Variants in TWIST2 observed in about 807,000 individuals in gnomAD.
The protein encoded by TWIST2 is twist family bHLH transcription factor 2.
In TWIST2, 1 loss-of-function variant was observed where a neutral mutation model predicts 11.6. The ratio of observed to expected loss-of-function variants is 0.09; its 90% CI spans 0.03 to 0.41. The LOEUF (loss-of-function observed/expected upper bound fraction) is 0.41. Among genes scored for constraint, TWIST2 ranks in the 10% least tolerant of loss-of-function variants. The pLI is 0.98. For missense variants in TWIST2, 168 were observed against 226.4 expected (o/e 0.74, Z 1.66); for synonymous variants, 87 against 96.6 (o/e 0.90, Z 0.58).
At chr2:238,868,212 T>A (rs949695674) in intron 1 of TWIST2, among the ~76,000 whole-genome samples, 1 of 152,136 alleles carries the variant, frequency 6.6e-6, no homozygotes, top group Non-Finnish European at 1.5e-5. Flanking sequence ...CCAGGGGCTC[T>A]GCTGAGAAGC....
intron 1 of TWIST2, among the ~76,000 whole-genome samples, chr2:238,897,880 G>A (rs921904349): frequency 1.3e-5 from 2 of 152,184 alleles, no homozygotes; most frequent in Non-Finnish European, 2.9e-5. Context: ...AAGGAAACTC[G>A]TTCAGCAGAG....
chr2:238,871,350 C>G (rs1420370416), intron 1 of TWIST2, among the ~76,000 whole-genome samples: 1 of 67,342 alleles, frequency 1.5e-5, no homozygotes, highest in Admixed American at 1.6e-4. Flanking sequence ...CACCACACCC[C>G]ACACACACAG....
At chr2:238,861,322 C>T (rs1303962086) in intron 1 of TWIST2, among the ~76,000 whole-genome samples, 1 of 152,202 alleles carries the variant, frequency 6.6e-6, no homozygotes, top group African/African-American at 2.4e-5. Context: ...CTGGGGGATG[C>T]TCTGCTCTCC....
At chr2:238,870,924 C>A (rs1574755221) in intron 1 of TWIST2, among the ~76,000 whole-genome samples, 1 of 43,942 alleles carries the variant, frequency 2.3e-5, no homozygotes, top group Non-Finnish European at 4.6e-5. Flanking sequence ...ACACACACAC[C>A]ACACCCCACA....
chr2:238,859,251 C>T (rs559776375), intron 1 of TWIST2, among the ~76,000 whole-genome samples: 6 of 151,162 alleles, frequency 4.0e-5, no homozygotes, highest in East Asian at 3.9e-4. Flanking sequence ...GCTACAGCAT[C>T]GATGAACCTT....
At chr2:238,884,623 G>C (rs568123105) in intron 1 of TWIST2, among the ~76,000 whole-genome samples, 2 of 152,224 alleles carry the variant, frequency 1.3e-5, no homozygotes, top group Admixed American at 1.3e-4. Context: ...CTGCCAGGGG[G>C]CTGGGGCAGG....
intron 1 of TWIST2, among the ~76,000 whole-genome samples, chr2:238,882,081 T>TGTCTCTCTTATG (rs1692946700): frequency 6.6e-6 from 1 of 152,164 alleles, no homozygotes. Flanking sequence ...TGTGTCTCTG[T>TGTCTCTCTTATG]GTCTCTCTTA....
At chr2:238,885,221 C>A (rs182995695) in intron 1 of TWIST2, among the ~76,000 whole-genome samples, 2 of 151,978 alleles carry the variant, frequency 1.3e-5, no homozygotes, top group African/African-American at 4.8e-5. Flanking sequence ...CGCCCTGCCT[C>A]GTTTGCAGGC....
intron 1 of TWIST2, among the ~76,000 whole-genome samples, chr2:238,906,738 C>T (rs1306942037): frequency 1.3e-5 from 2 of 152,158 alleles, no homozygotes; most frequent in Non-Finnish European, 2.9e-5. Flanking sequence ...CTGGGGCCTC[C>T]CTGGACCTCC....
At chr2:238,901,518 C>T (rs1693268519) in intron 1 of TWIST2, among the ~76,000 whole-genome samples, 2 of 152,322 alleles carry the variant, frequency 1.3e-5, no homozygotes, top group South Asian at 4.1e-4. Flanking sequence ...GAGGCCTCTG[C>T]TAGGCGTTCA....
intron 1 of TWIST2, among the ~76,000 whole-genome samples, chr2:238,881,445 T>TAGTATTAGTGTTAGTGTG (rs1385426319): frequency 4.6e-5 from 7 of 151,786 alleles, no homozygotes; most frequent in African/African-American, 1.5e-4. Flanking sequence ...CGGTATTTAT[T>TAGTATTAGTGTTAGTGTG]AGTATTAGTG....
At chr2:238,909,154 GGTGTGTA>G (rs1559286249) in intron 1 of TWIST2, among the ~76,000 whole-genome samples, 14 of 28,290 alleles carry the variant, frequency 4.9e-4, no homozygotes, top group Middle Eastern at 9.1e-3. Context: ...ATGTGTATGT[GGTGTGTA>G]GTGTGGGGTG....
At chr2:238,856,914 C>G (rs1692341067) in intron 1 of TWIST2, among the ~76,000 whole-genome samples, 3 of 152,192 alleles carry the variant, frequency 2.0e-5, no homozygotes, top group Admixed American at 2.0e-4. Context: ...CAGGTGCCTT[C>G]CCTTCCTGTT....
intron 1 of TWIST2, among the ~76,000 whole-genome samples, chr2:238,904,480 C>A (rs1378479630): frequency 6.7e-6 from 1 of 149,246 alleles, no homozygotes; most frequent in Non-Finnish European, 1.5e-5. Flanking sequence ...TGTCTGTGTG[C>A]GTGTTCGTGT....
At chr2:238,869,924 C>A (rs1692615516) in intron 1 of TWIST2, among the ~76,000 whole-genome samples, 1 of 151,958 alleles carries the variant, frequency 6.6e-6, no homozygotes, top group Admixed American at 6.6e-5. Context: ...CCAGCCTGAG[C>A]AACAGAGTGA....
intron 1 of TWIST2, among the ~76,000 whole-genome samples, chr2:238,855,710 A>G (rs1000855916): frequency 6.6e-6 from 1 of 152,226 alleles, no homozygotes; most frequent in African/African-American, 2.4e-5. Flanking sequence ...AAAAAGTAAT[A>G]GAGGAAGAAC....
rs140784306 is a variant in TWIST2, at chr2:238,883,675, G to A, written c.*36-26167G>A. Among the ~76,000 whole-genome samples the A allele has an allele frequency of 1.8e-3, 281 of 152,278 alleles. 5 individuals carry two copies. In the East Asian group the frequency reaches 0.037, roughly 20 times the overall value. On this transcript the variant is annotated intron_variant, in intron 1 of 1. Coordinates refer to ENST00000612363, the MANE Select transcript of TWIST2 (RefSeq NM_001271893.4). ...AGAAGCCTGGCCAGGAAGGGGCTCCGAGCACACGGAGGGAGTTGAGTAAGA... is the reference window on the plus strand; with the variant it reads ...AGAAGCCTGGCCAGGAAGGGGCTCCAAGCACACGGAGGGAGTTGAGTAAGA...
intron 1 of TWIST2, among the ~76,000 whole-genome samples, chr2:238,865,289 G>T (rs923057149): frequency 1.3e-5 from 2 of 152,154 alleles, no homozygotes; most frequent in Admixed American, 1.3e-4. Flanking sequence ...GCCAAGTATG[G>T]CCCCATCCTA....
At chr2:238,908,339 C>CACAA (rs1460220415) in intron 1 of TWIST2, among the ~76,000 whole-genome samples, 4 of 22,554 alleles carry the variant, frequency 1.8e-4, no homozygotes, top group African/African-American at 6.0e-4. Flanking sequence ...ATACCACACA[C>CACAA]ACAAACACAC....
Sources: gnomAD v4.1 joint callset for allele counts (sites outside exome capture counted in the v4.1 genomes callset) on GRCh38, gnomAD v4.1.1 for gene constraint, MANE v1.5 for transcripts, NCBI Gene and HGNC (gene_info 2026-07-23, HGNC 2026-07-21) for gene names.